Variants in TRHDE observed in about 807,000 individuals in gnomAD.
TRHDE encodes thyrotropin releasing hormone degrading enzyme, also known as thyrotropin-releasing hormone-degrading ectoenzyme.
In TRHDE, 72 loss-of-function variants were observed where a neutral mutation model predicts 125.7. That is an observed-to-expected ratio of 0.57 (90% CI 0.47 to 0.70). The LOEUF is 0.70. Ranked by LOEUF, TRHDE falls within the 30% of genes least tolerant of loss-of-function variation. The pLI is 0.00. For synonymous variants in TRHDE, 509 were observed against 509.1 expected (o/e 1.00, Z 0.00); for missense variants, 1,110 against 1,327.1 (o/e 0.84, Z 2.54).
chr12:72,127,579 A>G (rs1036620605), intron 2 of TRHDE, among the ~76,000 whole-genome samples: 1 of 152,186 alleles, frequency 6.6e-6, no homozygotes, highest in Non-Finnish European at 1.5e-5. Context: ...AAATTAACAC[A>G]GAAACAGAAA....
intron 3 of TRHDE, among the ~76,000 whole-genome samples, chr12:72,438,250 A>G (rs1021824998): frequency 3.3e-5 from 5 of 151,804 alleles, no homozygotes; most frequent in African/African-American, 9.7e-5. Flanking sequence ...GAAGAGTGAT[A>G]TATCTTTGAC....
intron 3 of TRHDE, among the ~76,000 whole-genome samples, chr12:72,427,605 G>A (rs953444351): frequency 5.3e-5 from 8 of 152,172 alleles, no homozygotes; most frequent in East Asian, 3.9e-4. Context: ...ACTCTTTCTC[G>A]TATTGACTTA....
chr12:72,231,374 A>G (rs1878242490), intron 2 of TRHDE, among the ~76,000 whole-genome samples: 1 of 152,174 alleles, frequency 6.6e-6, no homozygotes, highest in South Asian at 2.1e-4. Context: ...TGCAGTATTG[A>G]CAAAATTTAC....
chr12:72,498,322 G>A (rs1231333600), intron 5 of TRHDE, among the ~76,000 whole-genome samples: 2 of 152,036 alleles, frequency 1.3e-5, no homozygotes, highest in East Asian at 1.9e-4. Context: ...TTTTCTTGGC[G>A]TATTTTTTCT....
At chr12:72,215,187 C>T (rs1029527931) in intron 2 of TRHDE, among the ~76,000 whole-genome samples, 1 of 93,328 alleles carries the variant, frequency 1.1e-5, no homozygotes, top group Admixed American at 1.1e-4. Context: ...GGTTTGTTCT[C>T]TGGCAGGCAG....
intron 3 of TRHDE, among the ~76,000 whole-genome samples, chr12:72,403,935 G>T (rs1361073721): frequency 6.6e-6 from 1 of 152,140 alleles, no homozygotes; most frequent in Non-Finnish European, 1.5e-5. Context: ...TGGATAGGAA[G>T]AAAAATGTTA....
intron 2 of TRHDE, among the ~76,000 whole-genome samples, chr12:72,122,760 CT>C (rs1198317488): frequency 6.6e-6 from 1 of 152,012 alleles, no homozygotes; most frequent in East Asian, 1.9e-4. Context: ...AAAAATAGGT[CT>C]TCTATGTGAG....
intron 3 of TRHDE, among the ~76,000 whole-genome samples, chr12:72,399,823 T>C (rs529641094): frequency 6.6e-6 from 1 of 152,290 alleles, no homozygotes; most frequent in African/African-American, 2.4e-5. Context: ...AAGAGTAAAC[T>C]TTCAATGATA....
At chr12:72,571,445 G>A (rs1026801464) in intron 10 of TRHDE, among the ~76,000 whole-genome samples, 4 of 152,222 alleles carry the variant, frequency 2.6e-5, no homozygotes, top group Admixed American at 6.5e-5. Flanking sequence ...GATTTGGATC[G>A]TCCTATATTC....
intron 2 of TRHDE, among the ~76,000 whole-genome samples, chr12:72,293,730 G>C (rs1880178200): frequency 6.6e-6 from 1 of 152,124 alleles, no homozygotes; most frequent in Admixed American, 6.5e-5. Context: ...GGATGTTTGG[G>C]GTGTCGTTTT....
At chr12:72,519,702 TG>T (rs1401061418) in intron 6 of TRHDE, among the ~76,000 whole-genome samples, 3 of 152,222 alleles carry the variant, frequency 2.0e-5, no homozygotes, top group African/African-American at 7.2e-5. Context: ...TGCGTTCCTT[TG>T]GAGGAGGAGA....
intron 2 of TRHDE, among the ~76,000 whole-genome samples, chr12:72,317,413 T>C (rs942524269): frequency 1.3e-5 from 2 of 152,300 alleles, no homozygotes; most frequent in Middle Eastern, 3.4e-3. Context: ...AATTTAGAAA[T>C]AATAGAAATT....
chr12:72,622,699 A>G (rs551154532), intron 15 of TRHDE, among the ~76,000 whole-genome samples: 1 of 152,192 alleles, frequency 6.6e-6, no homozygotes, highest in African/African-American at 2.4e-5. Flanking sequence ...CTACTTAGGA[A>G]TGAATTGGTA....
intron 2 of TRHDE, among the ~76,000 whole-genome samples, chr12:72,322,383 G>T (rs7969215): frequency 0.35 from 52,505 of 151,852 alleles, 9,763 homozygotes; most frequent in Non-Finnish European, 0.43. Flanking sequence ...GTGTTTCTCT[G>T]TGCAAGAAGG....
At chr12:72,415,068 T>C (rs1438124511) in intron 3 of TRHDE, among the ~76,000 whole-genome samples, 1 of 152,116 alleles carries the variant, frequency 6.6e-6, no homozygotes, top group Non-Finnish European at 1.5e-5. Context: ...ATCCGTATTT[T>C]AGTATTTTGG....
chr12:72,381,281 T>G (rs1242429739), intron 3 of TRHDE, among the ~76,000 whole-genome samples: 1 of 152,038 alleles, frequency 6.6e-6, no homozygotes, highest in Non-Finnish European at 1.5e-5. Flanking sequence ...GACAACCAGA[T>G]AAGAGGCTAT....
intron 2 of TRHDE, among the ~76,000 whole-genome samples, chr12:72,294,374 G>C (rs910415901): frequency 6.6e-6 from 1 of 152,068 alleles, no homozygotes; most frequent in Admixed American, 6.6e-5. Context: ...GTGTGTGGTG[G>C]GGGGCGGTGG....
intron 6 of TRHDE, among the ~76,000 whole-genome samples, chr12:72,514,444 A>G (rs549012582): frequency 2.2e-4 from 33 of 152,136 alleles, no homozygotes; most frequent in Non-Finnish European, 3.2e-4. Context: ...AAATAAGAAT[A>G]TAGTAAATAT....
chr12:72,149,392 G>A (rs1196175428), intron 2 of TRHDE, among the ~76,000 whole-genome samples: 1 of 152,086 alleles, frequency 6.6e-6, no homozygotes, highest in Admixed American at 6.6e-5. Flanking sequence ...TTAGGAATAA[G>A]CCACTGTACA....
Sources: allele counts gnomAD v4.1 joint callset (sites outside exome capture counted in the v4.1 genomes callset), GRCh38; gene constraint gnomAD v4.1.1; transcripts MANE v1.5; gene names NCBI Gene and HGNC (gene_info 2026-07-23, HGNC 2026-07-21).